ASB4: variants seen among roughly 807,000 people sequenced by gnomAD.
ASB4 encodes the protein ankyrin repeat and SOCS box protein 4.
ASB4 carries 35 observed loss-of-function variants against 38.6 expected under a neutral mutation model. That is an observed-to-expected ratio of 0.91 (90% CI 0.69 to 1.20). The LOEUF is 1.20. ASB4 is among the 50% of genes most tolerant of loss of function. The probability of loss-of-function intolerance (pLI) is 0.00; values close to 1 mark genes in which losing one functional copy is unlikely to be tolerated. For synonymous variants in ASB4, 195 were observed against 201.3 expected, an observed-to-expected ratio of 0.97 and a Z score of 0.26; for missense variants, 557 against 527.2, an observed-to-expected ratio of 1.06 and a Z score of -0.55.
At chr7:95,534,775 A>G (rs1007792429) in intron 3 of ASB4, among the ~76,000 whole-genome samples, 1 of 152,226 alleles carries the variant, frequency 6.6e-6, no homozygotes, top group Non-Finnish European at 1.5e-5. Context: ...CTGCTTAAAG[A>G]CAAAAAACAG....
intron 1 of ASB4, among the ~76,000 whole-genome samples, chr7:95,490,814 G>A (rs967156196): frequency 8.5e-5 from 13 of 152,346 alleles, no homozygotes; most frequent in South Asian, 6.2e-4. Context: ...AAACACACAC[G>A]CGCACGCGTG....
chr7:95,529,621 A>G (rs1310910567), intron 3 of ASB4, among the ~76,000 whole-genome samples: 3 of 152,202 alleles, frequency 2.0e-5, no homozygotes, highest in Admixed American at 6.5e-5. Context: ...TGCTAATGGA[A>G]GATTAACTAA....
At chr7:95,527,763 T>A (rs747018691) in intron 2 of ASB4, 50 bp from the exon 3 acceptor site, 12 of 1,512,094 alleles carry the variant, frequency 7.9e-6, no homozygotes, top group South Asian at 7.6e-5. Flanking sequence ...ACCTTAGGAA[T>A]AATGACAAAA....
At chr7:95,509,810 G>A (rs888800800) in intron 2 of ASB4, among the ~76,000 whole-genome samples, 2 of 152,152 alleles carry the variant, frequency 1.3e-5, no homozygotes, top group African/African-American at 4.8e-5. Context: ...CAACAACCAT[G>A]TGAGGTTGCA....
At chr7:95,529,582 CAATAGG>C (rs1790790761) in intron 3 of ASB4, among the ~76,000 whole-genome samples, 2 of 152,106 alleles carry the variant, frequency 1.3e-5, no homozygotes, top group South Asian at 4.1e-4. Context: ...CCTGTGATCT[CAATAGG>C]AATTTTCTCT....
chr7:95,493,246 T>G (rs546818241), intron 1 of ASB4, among the ~76,000 whole-genome samples: 1 of 152,264 alleles, frequency 6.6e-6, no homozygotes, highest in Admixed American at 6.5e-5. Flanking sequence ...CCATTAGACC[T>G]TAATGTGAAA....
chr7:95,482,870 G>A (rs1001399726), upstream of ASB4, among the ~76,000 whole-genome samples: 1 of 152,100 alleles, frequency 6.6e-6, no homozygotes. Flanking sequence ...TGATGGGATG[G>A]GGGGTGGTTT....
chr7:95,499,912 C>T (rs1026364877), intron 2 of ASB4, among the ~76,000 whole-genome samples: 36 of 122,642 alleles, frequency 2.9e-4, no homozygotes, highest in African/African-American at 1.1e-3. Flanking sequence ...CTCGCTTTGT[C>T]GCCTGGGCTG....
the ASB4 span, among the ~76,000 whole-genome samples, chr7:95,549,136 C>G: frequency 6.6e-6 from 1 of 151,856 alleles, no homozygotes; most frequent in Non-Finnish European, 1.5e-5. Flanking sequence ...CCAGTAAATC[C>G]CTGACACTTA....
intron 2 of ASB4, among the ~76,000 whole-genome samples, chr7:95,513,446 C>G (rs1790513490): frequency 6.6e-6 from 1 of 151,702 alleles, no homozygotes; most frequent in Non-Finnish European, 1.5e-5. Flanking sequence ...GGAATAGATA[C>G]AGTCTGTTGC....
At chr7:95,545,183 A>AT (rs1791016928), downstream of ASB4, among the ~76,000 whole-genome samples, 1 of 152,162 alleles carries the variant, frequency 6.6e-6, no homozygotes, top group South Asian at 2.1e-4. Context: ...CTGTAGGAGA[A>AT]TTTTCTCCCT....
At chr7:95,499,974 C>T (rs552987554) in intron 2 of ASB4, among the ~76,000 whole-genome samples, 38 of 149,924 alleles carry the variant, frequency 2.5e-4, no homozygotes, top group South Asian at 6.3e-4. Context: ...CCCGGGTTCA[C>T]GCCATTCTCC....
At position 95,528,289 on chromosome 7, in the gene ASB4, C is replaced by G; in HGVS notation, c.964C>G (p.Pro322Ala). 6.2e-7 allele frequency: 1 copy of G among 1,614,168 alleles called. No individual in the cohort carries two copies. Among genetic ancestry groups the G allele is most frequent in the Non-Finnish European group, 8.5e-7 (1 of 1,180,034 alleles). The change falls in exon 3 of 5, where the codon CCA (proline) becomes GCA (alanine). Residue 322 changes from proline (P) to alanine (A), a missense_variant. Transcript: ENST00000325885. ...LNHGAARIYP[P>A]QFHKVIQACH... The stretch of plus-strand genomic sequence containing the variant: ...CCATGGGGCTGCCCGAATATACCCT[C>G]CACAGTTCCATAAGGTGAGGCTCTG...
At chr7:95,477,735 CTT>C (rs34231561), upstream of ASB4, among the ~76,000 whole-genome samples, 7,655 of 142,408 alleles carry the variant, frequency 0.054, 203 homozygotes, top group Middle Eastern at 0.079. Flanking sequence ...TAACAAGAAC[CTT>C]TTTTTTTTTT....
chr7:95,504,657 C>G (rs1363476237), intron 2 of ASB4, among the ~76,000 whole-genome samples: 2 of 152,088 alleles, frequency 1.3e-5, no homozygotes, highest in Non-Finnish European at 2.9e-5. Context: ...TTAAAGGAAA[C>G]TTGATATTAC....
intron 2 of ASB4, among the ~76,000 whole-genome samples, chr7:95,521,840 T>C (rs536118462): frequency 7.2e-5 from 11 of 151,908 alleles, no homozygotes; most frequent in Non-Finnish European, 1.2e-4. Flanking sequence ...AGAACAAAAA[T>C]TTACCAAGCA....
intron 2 of ASB4, among the ~76,000 whole-genome samples, chr7:95,496,988 A>C (rs1387543834): frequency 6.6e-6 from 1 of 152,150 alleles, no homozygotes; most frequent in Non-Finnish European, 1.5e-5. Flanking sequence ...AAAACTTGGA[A>C]TATTAAACAG....
intron 2 of ASB4, among the ~76,000 whole-genome samples, chr7:95,503,277 C>G (rs1209820395): frequency 6.6e-6 from 1 of 152,088 alleles, no homozygotes; most frequent in African/African-American, 2.4e-5. Flanking sequence ...AAAATTTCAA[C>G]CCATCTTATG....
intron 3 of ASB4, chr7:95,528,685 A>C (rs966049273): frequency 1.8e-6 from 2 of 1,100,710 alleles, no homozygotes; most frequent in African/African-American, 3.3e-5. Context: ...CCTGCTTTGA[A>C]ATTAGCTTGT....
Sources: allele counts gnomAD v4.1 joint callset (sites outside exome capture counted in the v4.1 genomes callset), GRCh38; gene constraint gnomAD v4.1.1; transcripts MANE v1.5; gene names NCBI Gene and HGNC (gene_info 2026-07-23, HGNC 2026-07-21).